The following CLEC16A variants were observed in gnomAD, a reference collection of about 807,000 sequenced individuals.
CLEC16A encodes C-type lectin domain containing 16A.
In CLEC16A, 51 loss-of-function variants were observed where a neutral mutation model predicts 109.5. The observed-to-expected ratio is 0.47, with a 90% CI of 0.37 to 0.59. CLEC16A has a LOEUF of 0.59. Among genes scored for constraint, CLEC16A ranks in the 20% least tolerant of loss-of-function variants. The pLI, the probability that CLEC16A is intolerant of heterozygous loss-of-function variation, is 0.00. For synonymous variants in CLEC16A, 673 were observed against 564.2 expected, an observed-to-expected ratio of 1.19 and a Z score of -2.73; for missense variants, 1,339 against 1,394.0, an observed-to-expected ratio of 0.96 and a Z score of 0.63.
chr16:11,141,680 C>T (rs2053837898), intron 22 of CLEC16A, among the ~76,000 whole-genome samples: 1 of 152,228 alleles, frequency 6.6e-6, no homozygotes, highest in Admixed American at 6.5e-5. Flanking sequence ...ACTGGGGTCC[C>T]ACCAGAAACC....
intron 1 of CLEC16A, among the ~76,000 whole-genome samples, chr16:10,949,606 T>C (rs1352509387): frequency 7.6e-6 from 1 of 131,704 alleles, no homozygotes; most frequent in East Asian, 2.2e-4. Flanking sequence ...TGCTTGGCAG[T>C]CTCCAGAGGC....
intron 22 of CLEC16A, among the ~76,000 whole-genome samples, chr16:11,141,227 G>A (rs2053811515): frequency 6.6e-6 from 1 of 152,246 alleles, no homozygotes; most frequent in South Asian, 2.1e-4. Context: ...ACAGCACCAG[G>A]CAGGTAGAGT....
intron 19 of CLEC16A, among the ~76,000 whole-genome samples, chr16:11,075,402 G>GTGTGTGTGTGTC (rs2049302578): frequency 7.3e-6 from 1 of 137,906 alleles, no homozygotes; most frequent in African/African-American, 2.9e-5. Context: ...GTGTGTGTGT[G>GTGTGTGTGTGTC]TGTGTGTGTC....
intron 11 of CLEC16A, among the ~76,000 whole-genome samples, chr16:11,009,029 A>G (rs2045231631): frequency 6.6e-6 from 1 of 152,262 alleles, no homozygotes; most frequent in East Asian, 1.9e-4. Flanking sequence ...TTCACGTTGT[A>G]TAACCATCAC....
intron 19 of CLEC16A, among the ~76,000 whole-genome samples, chr16:11,089,366 C>A (rs1193638485): frequency 6.6e-6 from 1 of 152,134 alleles, no homozygotes; most frequent in African/African-American, 2.4e-5. Flanking sequence ...AGGGACCATC[C>A]CTTGTGCATC....
intron 11 of CLEC16A, among the ~76,000 whole-genome samples, chr16:11,009,147 G>C (rs913777780): frequency 6.6e-6 from 1 of 152,050 alleles, no homozygotes; most frequent in Non-Finnish European, 1.5e-5. Flanking sequence ...TTATGGGTTT[G>C]ACTGCTCTAG....
Position 10,961,770 on chromosome 16 carries a change from A to C in CLEC16A, c.210-685A>C, listed in dbSNP as rs2042257086. ...GTACATTTGGTTGTCATATCTCCCC[A>C]GCCTCCTCTGTTCCGTGACTCTTTT... On this transcript the variant is annotated intron_variant, in intron 2 of 23. Coordinates refer to ENST00000409790, the MANE Select transcript of CLEC16A (RefSeq NM_015226.3). This position sits in a 1 kb window ranked among gnomAD's most constrained non-coding sequence, Gnocchi z 4.3. Among the ~76,000 whole-genome samples, 1 of 152,108 alleles carries C rather than the reference A, an allele frequency of 6.6e-6. No homozygotes were observed. The highest frequency in any genetic ancestry group is 2.4e-5 in the African/African-American group (1 of 41,410).
At chr16:11,164,213 G>A (rs1249012052) in intron 22 of CLEC16A, among the ~76,000 whole-genome samples, 1 of 152,218 alleles carries the variant, frequency 6.6e-6, no homozygotes, top group Non-Finnish European at 1.5e-5. Flanking sequence ...CGCAAGAGGA[G>A]CTGGTGCTCA....
intron 10 of CLEC16A, among the ~76,000 whole-genome samples, chr16:10,997,464 C>G (rs1226808541): frequency 2.0e-5 from 3 of 152,182 alleles, no homozygotes; most frequent in Non-Finnish European, 4.4e-5. Context: ...AAGAGAATCA[C>G]CATCCTAACT....
intron 19 of CLEC16A, among the ~76,000 whole-genome samples, chr16:11,068,413 CTG>C (rs1219963122): frequency 6.6e-6 from 1 of 152,232 alleles, no homozygotes; most frequent in Non-Finnish European, 1.5e-5. Context: ...CAGTGACAGT[CTG>C]TCCACGCAGA....
In CLEC16A at chr16:11,169,789, C is replaced by T. The variant is rs184528853; in HGVS notation, c.2806+3237C>T. On this transcript the variant is annotated intron_variant, in intron 23 of 23. Transcript: ENST00000409790. Reference sequence around the variant, plus strand: ...TGGTGTGGCCCAGGCACCCACCAATCAGCCTAGGCTCCTGCTGTAGCCACG... The same window carrying T: ...TGGTGTGGCCCAGGCACCCACCAATTAGCCTAGGCTCCTGCTGTAGCCACG... Among the ~76,000 whole-genome samples, 292 of 152,358 alleles carry T rather than the reference C, an allele frequency of 1.9e-3. 2 individuals are homozygous for T. The highest frequency in any genetic ancestry group is 6.5e-3 in the African/African-American group (271 of 41,590).
chr16:11,112,777 C>T (rs900037972), intron 19 of CLEC16A, among the ~76,000 whole-genome samples: 2 of 152,190 alleles, frequency 1.3e-5, no homozygotes, highest in Admixed American at 1.3e-4. Context: ...TGTCACCTTT[C>T]CTTGGAACAA....
intron 10 of CLEC16A, among the ~76,000 whole-genome samples, chr16:10,985,303 T>C (rs1481256560): frequency 6.6e-6 from 1 of 151,086 alleles, no homozygotes. Flanking sequence ...GTCTTTGCAG[T>C]ATTTAAAAGA....
intron 18 of CLEC16A, among the ~76,000 whole-genome samples, chr16:11,059,440 A>G (rs1567259814): frequency 6.6e-6 from 1 of 152,184 alleles, no homozygotes; most frequent in Non-Finnish European, 1.5e-5. Context: ...TTCCAGTTCC[A>G]ACATTAGGAA....
intron 11 of CLEC16A, among the ~76,000 whole-genome samples, chr16:11,008,570 T>G (rs1460715343): frequency 6.6e-6 from 1 of 152,074 alleles, no homozygotes; most frequent in Non-Finnish European, 1.5e-5. Flanking sequence ...TAGGCACTAG[T>G]TGGACAACAA....
chr16:11,065,823 T>C (rs763340480), intron 19 of CLEC16A, among the ~76,000 whole-genome samples: 1 of 152,216 alleles, frequency 6.6e-6, no homozygotes, highest in Non-Finnish European at 1.5e-5. Context: ...GAGAGGGTGC[T>C]GTGTCCCAGG....
intron 19 of CLEC16A, among the ~76,000 whole-genome samples, chr16:11,066,976 G>A (rs967643444): frequency 6.6e-6 from 1 of 151,960 alleles, no homozygotes; most frequent in African/African-American, 2.4e-5. Flanking sequence ...TGTTTACCGA[G>A]TAGTCATTTT....
chr16:11,007,161 C>T (rs116482685), intron 11 of CLEC16A, among the ~76,000 whole-genome samples: 2,112 of 152,054 alleles, frequency 0.014, 50 homozygotes, highest in African/African-American at 0.048. Flanking sequence ...GTTTTTTTGC[C>T]TATGGAAAAA....
At chr16:11,087,179 C>T (rs2050056773) in intron 19 of CLEC16A, among the ~76,000 whole-genome samples, 1 of 152,198 alleles carries the variant, frequency 6.6e-6, no homozygotes, top group African/African-American at 2.4e-5. Context: ...ACGTAGGTGC[C>T]ATCTAAAACC....
Sources: allele counts gnomAD v4.1 joint callset (sites outside exome capture counted in the v4.1 genomes callset), GRCh38; gene constraint gnomAD v4.1.1; non-coding constraint Gnocchi (gnomAD v3.1); transcripts MANE v1.5; gene names NCBI Gene and HGNC (gene_info 2026-07-23, HGNC 2026-07-21).